CHORDC1: variants seen among roughly 807,000 people sequenced by gnomAD.
CHORDC1 encodes the protein cysteine and histidine rich domain containing 1, also known as cysteine and histidine-rich domain-containing protein 1.
CHORDC1 carries 25 observed loss-of-function variants against 48.3 expected under a neutral mutation model. That is an observed-to-expected ratio of 0.52 (90% confidence interval 0.38 to 0.72). The LOEUF is 0.72. CHORDC1 is among the 30% of genes least tolerant of loss of function. CHORDC1 has a pLI of 0.00. For synonymous variants in CHORDC1, 128 were observed against 126.4 expected (o/e 1.01, Z -0.09); for missense variants, 317 against 388.7 (o/e 0.82, Z 1.55).
Position 90,200,466 on chromosome 11 carries a change from CTTTT to C in CHORDC1, c.*1935_*1938del, listed in dbSNP as rs1252947411. 6.6e-6 allele frequency among the ~76,000 whole-genome samples: 1 copy of C among 151,848 alleles called. No homozygotes were observed. Among genetic ancestry groups the C allele is most frequent in the Non-Finnish European group, 1.5e-5 (1 of 67,832 alleles). ...TAAATCAATAAGCACTTTTTATTAA[CTTTT>C]TTGACAAACCGATAGTAAAACATAT... On this transcript the variant is annotated 3_prime_UTR_variant, in exon 11 of 11. Transcript: ENST00000320585.
At position 90,211,333 on chromosome 11, in the gene CHORDC1, A is replaced by C. The variant is rs375350409; in HGVS notation, c.330-15T>G. 2.0e-6 allele frequency: 3 copies of C among 1,490,308 alleles called. No homozygotes were observed. The highest frequency in any genetic ancestry group is 1.4e-5 in the African/African-American group (1 of 72,188). The allele number at this position is 1,490,308 out of a possible 1,614,324, so 92.3% of individuals were successfully genotyped here. On this transcript the variant is annotated splice_polypyrimidine_tract_variant and intron_variant, in intron 4 of 10. Coordinates refer to ENST00000320585, the MANE Select transcript of CHORDC1 (RefSeq NM_012124.3). The stretch of plus-strand genomic sequence containing the variant: ...GTTCATCTGGGCTGGAGAATTTTGA[A>C]ACCTTATTACCATTATTAATATACC...
At position 90,213,839 on chromosome 11, in the gene CHORDC1, C is replaced by T. The variant is rs1857932694; in HGVS notation, c.329+179G>A. 5.4e-6 allele frequency: 3 copies of T among 556,942 alleles called. No homozygotes were observed. In the African/African-American group the frequency reaches 5.7e-5, roughly 11 times the overall value. 34.5% of individuals were successfully genotyped at this position (556,942 alleles called of 1,614,324 possible). A position where few individuals can be genotyped will look rare whatever the true frequency, so the allele number is the denominator to read the frequency against. The stretch of plus-strand genomic sequence containing the variant: ...GTTATGTAGTTATATTGTGTACATG[C>T]TCTCAAGTTGAAGAGAAATAAAAAT... On this transcript the variant is annotated intron_variant, in intron 4 of 10. Transcript: ENST00000320585.
intron 1 of CHORDC1, chr11:90,222,614 G>A: frequency 1.5e-6 from 1 of 658,666 alleles, no homozygotes; most frequent in Middle Eastern, 3.2e-4. Flanking sequence ...AAAGGAGTGC[G>A]GGGACGACGG....
intron 1 of CHORDC1, 64 bp from the exon 2 acceptor site, chr11:90,218,248 A>T (rs1858070677): frequency 8.3e-7 from 1 of 1,202,944 alleles, no homozygotes; most frequent in South Asian, 1.4e-5. Context: ...TATATACATG[A>T]TCATCTCCTT....
chr11:90,203,062 G>A (rs566837240), intron 9 of CHORDC1, among the ~76,000 whole-genome samples, 187 bp from the exon 10 acceptor site: 1 of 152,172 alleles, frequency 6.6e-6, no homozygotes, highest in East Asian at 1.9e-4. Context: ...TTCATATTGA[G>A]AACTAAGTAC....
At chr11:90,207,536 GAC>G (rs1195051319) in intron 6 of CHORDC1, 2 of 151,900 alleles carry the variant, frequency 1.3e-5, no homozygotes, top group Non-Finnish European at 2.9e-5. Context: ...TCGTCATTAA[GAC>G]AGTGAAAAAG....
At chr11:90,222,281 A>G (rs1327673492) in intron 1 of CHORDC1, among the ~76,000 whole-genome samples, 1 of 152,252 alleles carries the variant, frequency 6.6e-6, no homozygotes, top group Non-Finnish European at 1.5e-5. Context: ...AAATGCCGCT[A>G]GTAATAAAAA....
chr11:90,219,647 T>C (rs1858113928), intron 1 of CHORDC1, among the ~76,000 whole-genome samples: 1 of 152,246 alleles, frequency 6.6e-6, no homozygotes, highest in Admixed American at 6.5e-5. Context: ...TGCAGATAAC[T>C]AGCCAGAGCC....
At chr11:90,220,118 T>A (rs1310416877) in intron 1 of CHORDC1, among the ~76,000 whole-genome samples, 1 of 152,226 alleles carries the variant, frequency 6.6e-6, no homozygotes, top group Non-Finnish European at 1.5e-5. Context: ...CTTCTTCCAA[T>A]GTGGCCCAGA....
chr11:90,216,237 A>T (rs1858008688), intron 2 of CHORDC1, among the ~76,000 whole-genome samples: 1 of 152,188 alleles, frequency 6.6e-6, no homozygotes, highest in African/African-American at 2.4e-5. Context: ...TATGTCAGAT[A>T]CTGTGATACA....
At chr11:90,212,397 G>A (rs529916490) in intron 4 of CHORDC1, 1 of 152,294 alleles carries the variant, frequency 6.6e-6, no homozygotes, top group South Asian at 2.1e-4. Context: ...GGAACTGTGA[G>A]TTCATTAAAC....
rs948944389 is a variant in CHORDC1 at position 90,215,087 on chromosome 11, A to G, written c.171+87T>C. The G allele has an allele frequency of 2.0e-5, 14 of 700,156 alleles. 1 individual carries two copies. In the Admixed American group the frequency reaches 2.2e-4, roughly 11 times the overall value. 43.4% of individuals were successfully genotyped at this position (700,156 alleles called of 1,614,324 possible). ...CAAGTTGATGAAGACCAATCAATCT[A>G]TATCAGAAATCAGACTCCTCAAATC... On this transcript the variant is annotated intron_variant, in intron 3 of 10. Coordinates refer to ENST00000320585, the MANE Select transcript of CHORDC1 (RefSeq NM_012124.3).
At position 90,202,190 on chromosome 11, in the gene CHORDC1, T is replaced by C. The variant is rs1447347441; in HGVS notation, c.*215A>G. ...AGGACACAACTATGGTTCCTACCAG[T>C]AGGGAGAAATGAATAATCAATCTTA... On this transcript the variant is annotated 3_prime_UTR_variant, in exon 11 of 11. Transcript: ENST00000320585. 2 of 530,966 alleles carry C rather than the reference T, an allele frequency of 3.8e-6. No individual in the cohort carries two copies. The highest frequency in any genetic ancestry group is 6.7e-6 in the Non-Finnish European group (2 of 299,824). The allele number at this position is 530,966 out of a possible 1,614,324, so 32.9% of individuals were successfully genotyped here.
At chr11:90,217,896 A>T (rs746743352) in intron 2 of CHORDC1, 5,060 of 35,924 alleles carry the variant, frequency 0.14, 79 homozygotes, top group East Asian at 0.31. Flanking sequence ...ACTCCATCTC[A>T]AAAAAAAAAA....
At chr11:90,203,273 A>G in intron 9 of CHORDC1, 35 bp downstream of exon 9, 1 of 1,536,064 alleles carries the variant, frequency 6.5e-7, no homozygotes, top group South Asian at 1.3e-5. Context: ...ATGTATAGAA[A>G]AGAACTTTTA....
At chr11:90,222,343 G>A (rs533015540) in intron 1 of CHORDC1, among the ~76,000 whole-genome samples, 1 of 152,322 alleles carries the variant, frequency 6.6e-6, no homozygotes, top group South Asian at 2.1e-4. Context: ...TGAAGATACA[G>A]AGTAATGTCC....
intron 10 of CHORDC1, 91 bp from the exon 11 acceptor site, chr11:90,202,642 A>T (rs1857570254): frequency 6.8e-7 from 1 of 1,473,636 alleles, no homozygotes; most frequent in East Asian, 2.3e-5. Context: ...AATAATCCCA[A>T]ATCCAAGCTT....
intron 7 of CHORDC1, 159 bp downstream of exon 7, chr11:90,206,043 A>G: frequency 1.6e-6 from 1 of 642,196 alleles, no homozygotes; most frequent in East Asian, 2.8e-5. Context: ...AACACACAAC[A>G]TACAAACCCC....
chr11:90,215,130 T>A, intron 3 of CHORDC1, 44 bp downstream of exon 3: 2 of 1,116,478 alleles, frequency 1.8e-6, no homozygotes, highest in Non-Finnish European at 2.5e-6. Context: ...TTCTATAACA[T>A]GTATTTTTAG....
Sources: gnomAD v4.1 joint callset for allele counts (sites outside exome capture counted in the v4.1 genomes callset) on GRCh38, gnomAD v4.1.1 for gene constraint, MANE v1.5 for transcripts, NCBI Gene and HGNC (gene_info 2026-07-23, HGNC 2026-07-21) for gene names.